The following ABCA4 variants were observed in gnomAD, a reference collection of about 807,000 sequenced individuals.
The protein encoded by ABCA4 is retinal-specific phospholipid-transporting ATPase ABCA4.
In ABCA4, 196 loss-of-function variants were observed where a neutral mutation model predicts 263.7. The ratio of observed to expected loss-of-function variants is 0.74; its 90% CI spans 0.66 to 0.84. ABCA4 has a LOEUF of 0.84. Ranked by LOEUF, ABCA4 falls within the 40% of genes least tolerant of loss-of-function variation. The probability of loss-of-function intolerance (pLI) is 0.00; values close to 1 mark genes in which losing one functional copy is unlikely to be tolerated. For missense variants in ABCA4, 2,792 were observed against 2,855.1 expected (o/e 0.98, Z 0.50); for synonymous variants, 1,133 against 1,094.2 (o/e 1.04, Z -0.70).
At chr1:94,074,964 T>G (rs911389464) in intron 11 of ABCA4, among the ~76,000 whole-genome samples, 1 of 152,182 alleles carries the variant, frequency 6.6e-6, no homozygotes, top group Non-Finnish European at 1.5e-5. Flanking sequence ...ATATACACCA[T>G]AGAATACTAT....
In ABCA4 at chr1:94,103,110, C is replaced by T. The variant is rs1662329300; in HGVS notation, c.475G>A (p.Asp159Asn). 1 of 1,614,092 alleles carries T rather than the reference C, an allele frequency of 6.2e-7. No homozygotes were observed. Among genetic ancestry groups the T allele is most frequent in the Non-Finnish European group, 8.5e-7 (1 of 1,179,954 alleles). Residue 159 changes from aspartate to asparagine, a missense_variant, in exon 5 of 50, where the codon GAT becomes AAT. Transcript: ENST00000370225. ...AGAAATAGTGTCAGTGTTTCTTCAT[C>T]TTTCAAGATATCCCTTATTCGTATT... ...RGIRIRDILK[D>N]EETLTLFLIK...
At chr1:94,072,930 G>A (rs1305820496) in intron 11 of ABCA4, among the ~76,000 whole-genome samples, 1 of 152,138 alleles carries the variant, frequency 6.6e-6, no homozygotes, top group Non-Finnish European at 1.5e-5. Flanking sequence ...GTCTGAGACA[G>A]CAGACCATGG....
chr1:94,029,532 A>G lies in ABCA4; in HGVS notation c.4452T>C (p.Pro1484=), dbSNP rs1444655167. 6.2e-7 allele frequency: 1 copy of G among 1,611,722 alleles called. No individual in the cohort carries two copies. The highest frequency in any genetic ancestry group is 1.3e-5 in the African/African-American group (1 of 74,904). The part of the protein sequence containing the change: ...FQKQKWTQVN[P]SPSCRCSTRE... Reference sequence around the variant, plus strand: ...TGGTGCTGCACCTGCAGGATGGTGAAGGGTTGACCTGTGTCCATTTCTGCT... The same window carrying G: ...TGGTGCTGCACCTGCAGGATGGTGAGGGGTTGACCTGTGTCCATTTCTGCT... The change falls in exon 30 of 50, where the codon CCT becomes CCC. Residue 1484 remains proline, a synonymous_variant. Coordinates refer to ENST00000370225, the MANE Select transcript of ABCA4 (RefSeq NM_000350.3).
At chr1:94,059,124 T>G (rs1661052768) in intron 14 of ABCA4, among the ~76,000 whole-genome samples, 1 of 152,248 alleles carries the variant, frequency 6.6e-6, no homozygotes, top group South Asian at 2.1e-4. Context: ...TCAATGCTGC[T>G]TATCAACAAG....
intron 18 of ABCA4, among the ~76,000 whole-genome samples, chr1:94,047,968 T>C (rs1203116119): frequency 1.3e-5 from 2 of 152,240 alleles, no homozygotes; most frequent in Non-Finnish European, 1.5e-5. Context: ...CCACTGTTTC[T>C]TCTATCCGTG....
intron 30 of ABCA4, among the ~76,000 whole-genome samples, chr1:94,026,959 A>C (rs915704102): frequency 1.3e-5 from 2 of 152,092 alleles, no homozygotes; most frequent in Non-Finnish European, 2.9e-5. Flanking sequence ...AGAGAGAAAG[A>C]TAGAGAGAGA....
intron 1 of ABCA4, among the ~76,000 whole-genome samples, chr1:94,115,594 T>A (rs979389242): frequency 6.6e-6 from 1 of 152,176 alleles, no homozygotes; most frequent in African/African-American, 2.4e-5. Context: ...CCGTGCCAAA[T>A]GGTCTCATCT....
intron 1 of ABCA4, among the ~76,000 whole-genome samples, chr1:94,117,793 C>A (rs1411251945): frequency 6.6e-6 from 1 of 152,118 alleles, no homozygotes; most frequent in African/African-American, 2.4e-5. Context: ...AGTAATTATA[C>A]GTGGGAGCCG....
chr1:94,075,368 T>C (rs960208970), intron 11 of ABCA4, among the ~76,000 whole-genome samples: 1 of 152,030 alleles, frequency 6.6e-6, no homozygotes, highest in African/African-American at 2.4e-5. Context: ...AAAAATCCTG[T>C]TTTATAAAAT....
At chr1:94,056,525 G>C in intron 15 of ABCA4, 76 bp downstream of exon 15, 1 of 1,484,700 alleles carries the variant, frequency 6.7e-7, no homozygotes, top group Non-Finnish European at 9.3e-7. Flanking sequence ...TCAGAGGGCA[G>C]GCTGGGCCTC....
At position 93,998,034 on chromosome 1, in the gene ABCA4, C is replaced by T; in HGVS notation, c.6556G>A (p.Glu2186Lys). Residue 2186 changes from glutamate to lysine, a missense_variant, in exon 48 of 50, where the codon GAG becomes AAG. Physicochemically the swap from Glu to Lys is moderately conservative, Grantham distance 56. Transcript: ENST00000370225. ...DDLLPDLNPV[E>K]QFFQGNFPGS... ...GGGAAGTTCCCCTGGAAGAACTGCT[C>T]CACAGGGTTCAGGTCAGGAAGCAGG... The T allele has an allele frequency of 6.2e-7, 1 of 1,614,176 alleles. No individual in the cohort carries two copies. The highest frequency in any genetic ancestry group is 8.5e-7 in the Non-Finnish European group (1 of 1,180,032).
chr1:94,076,149 C>T (rs1661531491), intron 11 of ABCA4, among the ~76,000 whole-genome samples: 1 of 152,208 alleles, frequency 6.6e-6, no homozygotes, highest in Non-Finnish European at 1.5e-5. Context: ...AGTAATCCTG[C>T]TCATAGAAAT....
intron 1 of ABCA4, among the ~76,000 whole-genome samples, chr1:94,119,916 C>G (rs533111044): frequency 6.6e-6 from 1 of 152,164 alleles, no homozygotes; most frequent in African/African-American, 2.4e-5. Flanking sequence ...AGGTCTCCCT[C>G]CCTTTCCTCC....
chr1:94,025,520 C>T (rs1660017379), intron 30 of ABCA4: 1 of 238,694 alleles, frequency 4.2e-6, no homozygotes, highest in Non-Finnish European at 8.4e-6. Flanking sequence ...CTACCAAGGC[C>T]CATGTGGCCG....
chr1:94,120,944 A>G (rs767254577), intron 1 of ABCA4, 36 bp downstream of exon 1: 1 of 1,292,896 alleles, frequency 7.7e-7, no homozygotes, highest in Admixed American at 2.3e-5. Context: ...TATTTGCTCC[A>G]CACCTCATTT....
intron 6 of ABCA4, among the ~76,000 whole-genome samples, chr1:94,087,868 C>T (rs1188691242): frequency 6.6e-6 from 1 of 152,202 alleles, no homozygotes; most frequent in Non-Finnish European, 1.5e-5. Context: ...GTCCTCCCTT[C>T]ATGGGGTTTA....
intron 38 of ABCA4, among the ~76,000 whole-genome samples, chr1:94,013,808 A>G (rs1023364071): frequency 6.6e-6 from 1 of 152,206 alleles, no homozygotes; most frequent in Non-Finnish European, 1.5e-5. Context: ...AAGGAATAGT[A>G]TATGTCAGAG....
At chr1:94,005,861 T>A (rs1283633291) in intron 43 of ABCA4, among the ~76,000 whole-genome samples, 1 of 152,184 alleles carries the variant, frequency 6.6e-6, no homozygotes, top group Non-Finnish European at 1.5e-5. Flanking sequence ...ACCTCACATG[T>A]GAGTTTAAAA....
intron 13 of ABCA4, among the ~76,000 whole-genome samples, chr1:94,061,940 G>GC (rs4147889): frequency 0.48 from 72,838 of 151,760 alleles, 18,093 homozygotes; most frequent in African/African-American, 0.54. Context: ...TGACAAATGA[G>GC]CCTCCCAACC....
Sources: allele counts gnomAD v4.1 joint callset (sites outside exome capture counted in the v4.1 genomes callset), GRCh38; gene constraint gnomAD v4.1.1; transcripts MANE v1.5; gene names NCBI Gene and HGNC (gene_info 2026-07-23, HGNC 2026-07-21).